Variants in DGAT2L6 observed in about 807,000 individuals in gnomAD.
DGAT2L6 encodes the protein diacylglycerol O-acyltransferase 2-like protein 6.
Under a neutral mutation model 25.5 loss-of-function variants are expected in DGAT2L6, and 22 were observed. That is an observed-to-expected ratio of 0.86 (90% CI 0.62 to 1.23). The LOEUF is 1.23. Among genes scored for constraint, DGAT2L6 ranks in the 50% most tolerant of loss-of-function variants. DGAT2L6 has a pLI of 0.00. For missense variants in DGAT2L6, 287 were observed against 253.2 expected (o/e 1.13, Z -0.91); for synonymous variants, 100 against 94.7 (o/e 1.06, Z -0.32).
At chrX:70,185,878 G>T (rs12843124) in intron 1 of DGAT2L6, among the ~76,000 whole-genome samples, 18 of 94,757 alleles carry the variant, frequency 1.9e-4, no homozygotes, top group Admixed American at 2.3e-4. Context: ...TTGTTTTTTT[G>T]TTTTTTTTTT....
intron 1 of DGAT2L6, among the ~76,000 whole-genome samples, chrX:70,181,400 T>A (rs1192935279): frequency 8.9e-6 from 1 of 112,516 alleles, no homozygotes; most frequent in Non-Finnish European, 1.9e-5. Context: ...TCTTCTAGTT[T>A]AGGTGCTATA....
At chrX:70,185,827 G>T (rs914618325) in intron 1 of DGAT2L6, among the ~76,000 whole-genome samples, 4 of 109,086 alleles carry the variant, frequency 3.7e-5, no homozygotes, top group Non-Finnish European at 7.6e-5. Context: ...CAAAGCCACA[G>T]AAATTCCTCT....
intron 4 of DGAT2L6, among the ~76,000 whole-genome samples, chrX:70,200,863 C>T (rs1036272964): frequency 8.9e-6 from 1 of 111,891 alleles, no homozygotes; most frequent in Admixed American, 9.5e-5. Context: ...CTCTTTGGGC[C>T]GGTCATTTGT....
At chrX:70,187,919 C>G (rs1289052577) in intron 1 of DGAT2L6, among the ~76,000 whole-genome samples, 1 of 112,137 alleles carries the variant, frequency 8.9e-6, no homozygotes, top group Non-Finnish European at 1.9e-5. Context: ...CAGCCCTGGC[C>G]ACTCACCTGC....
chrX:70,185,204 C>T (rs1016388679), intron 1 of DGAT2L6, among the ~76,000 whole-genome samples: 1 of 111,226 alleles, frequency 9.0e-6, no homozygotes, highest in African/African-American at 3.3e-5. Context: ...TTGGACTCTC[C>T]CATCTCCTGG....
In DGAT2L6 at chrX:70,202,057, C is replaced by T. The variant is rs372836202; in HGVS notation, c.640C>T (p.Gln214Ter). The change falls in exon 5 of 7, where the codon CAA becomes TAA. Residue 214 changes from glutamine to a stop codon, truncating the protein, a stop_gained. Coordinates refer to ENST00000333026, the MANE Select transcript of DGAT2L6 (RefSeq NM_198512.3). LOFTEE classifies it high-confidence loss of function. ...QRKGFVKMAL[Q>*]TGAYLVPSYS... ...TAAAGGTTTTGTGAAGATGGCACTGCAAACAGGGTGGGTTCCAAGGTTCTA... is the reference window on the plus strand; with the variant it reads ...TAAAGGTTTTGTGAAGATGGCACTGTAAACAGGGTGGGTTCCAAGGTTCTA... 36 of 1,187,305 alleles carry T rather than the reference C, an allele frequency of 3.0e-5. No homozygotes were observed. The highest frequency in any genetic ancestry group is 4.0e-5 in the Non-Finnish European group (35 of 884,389).
Position 70,204,502 on chromosome X carries a change from C to A in DGAT2L6, c.845C>A (p.Pro282His), listed in dbSNP as rs375228972. The A allele has an allele frequency of 1.5e-5, 18 of 1,208,626 alleles. No homozygotes were observed. Among genetic ancestry groups the A allele is most frequent in the Non-Finnish European group, 1.9e-5 (17 of 894,949 alleles). Reference protein sequence around the residue: ...GSWGFLPFNRPITTVVGEPLP... With the variant: ...GSWGFLPFNRHITTVVGEPLP... Reference sequence around the variant, plus strand: ...TGGGGCTTCCTGCCTTTCAATCGGCCCATTACCACTGTTGGTGAGCTTTCC... The same window carrying A: ...TGGGGCTTCCTGCCTTTCAATCGGCACATTACCACTGTTGGTGAGCTTTCC... The change falls in exon 6 of 7, where the codon CCC becomes CAC. Residue 282 changes from proline (P) to histidine (H), a missense_variant. Transcript: ENST00000333026.
chrX:70,202,373 G>A (rs1317678383), intron 5 of DGAT2L6, among the ~76,000 whole-genome samples: 2 of 111,918 alleles, frequency 1.8e-5, no homozygotes, highest in African/African-American at 6.5e-5. Flanking sequence ...TAACTGAGAG[G>A]CCCTAAGAAT....
intron 1 of DGAT2L6, among the ~76,000 whole-genome samples, chrX:70,182,469 CTTTTTTTTTTTTTTTT>C (rs1171530335): frequency 4.1e-5 from 2 of 49,137 alleles, no homozygotes; most frequent in Admixed American, 2.5e-4. Flanking sequence ...TCAAAAGCAT[CTTTTTTTTTTTTTTTT>C]TTTTTTTTTT....
intron 1 of DGAT2L6, among the ~76,000 whole-genome samples, chrX:70,179,235 C>T (rs7060831): frequency 9.0e-6 from 1 of 111,609 alleles, no homozygotes; most frequent in African/African-American, 3.3e-5. Flanking sequence ...TTAGCTATAT[C>T]GAGAGAAGAA....
rs758831815 is a variant in DGAT2L6 at position 70,205,025 on chromosome X, C to T, written c.933C>T (p.Tyr311=). The T allele has an allele frequency of 4.1e-6, 5 of 1,207,523 alleles. No homozygotes were observed. Among genetic ancestry groups the T allele is most frequent in the Non-Finnish European group, 5.6e-6 (5 of 893,679 alleles). Residue 311 remains tyrosine (Y), a synonymous_variant, in exon 7 of 7, where the codon TAC becomes TAT. Transcript: ENST00000333026. ...CAGTAGACAAGTATCACGCACTCTA[C>T]ATCAGTGCCCTGCGCAAGCTCTTTG... The part of the protein sequence containing the change: ...QKTVDKYHAL[Y]ISALRKLFDQ...
At chrX:70,189,526 A>T (rs1247429775) in intron 1 of DGAT2L6, among the ~76,000 whole-genome samples, 2 of 112,061 alleles carry the variant, frequency 1.8e-5, no homozygotes, top group Admixed American at 9.5e-5. Flanking sequence ...AAGATTCAAC[A>T]CAGTAAAGAT....
intron 5 of DGAT2L6, among the ~76,000 whole-genome samples, chrX:70,203,154 G>C (rs1003863877): frequency 8.9e-6 from 1 of 111,792 alleles, no homozygotes; most frequent in Non-Finnish European, 1.9e-5. Flanking sequence ...TTTTTTGCCG[G>C]TTACACTTAT....
intron 4 of DGAT2L6, 119 bp downstream of exon 4, chrX:70,200,578 C>G: frequency 1.5e-6 from 1 of 664,603 alleles, no homozygotes; most frequent in Non-Finnish European, 2.2e-6. Context: ...TCCAGGACAC[C>G]CTGGGCCCGT....
intron 1 of DGAT2L6, among the ~76,000 whole-genome samples, chrX:70,195,144 T>C (rs1459673316): frequency 2.7e-5 from 3 of 111,913 alleles, no homozygotes; most frequent in Non-Finnish European, 5.6e-5. Context: ...GAAAAGGGGC[T>C]CAACATTATT....
chrX:70,183,641 G>C (rs1172629124), intron 1 of DGAT2L6, among the ~76,000 whole-genome samples: 1 of 111,825 alleles, frequency 8.9e-6, no homozygotes, highest in African/African-American at 3.2e-5. Context: ...TTCCTCAGCA[G>C]AAATCTTTAA....
At chrX:70,189,702 C>T (rs969679088) in intron 1 of DGAT2L6, among the ~76,000 whole-genome samples, 6 of 111,861 alleles carry the variant, frequency 5.4e-5, no homozygotes, top group Admixed American at 1.9e-4. Context: ...GCAAAATACA[C>T]GCTAAAAACT....
chrX:70,186,787 A>C (rs999402067), intron 1 of DGAT2L6, among the ~76,000 whole-genome samples: 1 of 112,165 alleles, frequency 8.9e-6, no homozygotes, highest in African/African-American at 3.2e-5. Flanking sequence ...TAATGTCCCT[A>C]CAGGGCATGG....
At chrX:70,185,367 G>A (rs756776372) in intron 1 of DGAT2L6, among the ~76,000 whole-genome samples, 3 of 112,057 alleles carry the variant, frequency 2.7e-5, no homozygotes, top group East Asian at 5.6e-4. Context: ...TTTTCCACAC[G>A]TATTAATGTG....
Sources: allele counts gnomAD v4.1 joint callset (sites outside exome capture counted in the v4.1 genomes callset), GRCh38; gene constraint gnomAD v4.1.1; transcripts MANE v1.5; gene names NCBI Gene and HGNC (gene_info 2026-07-23, HGNC 2026-07-21).